The following VWA3A variants were observed in gnomAD, a reference collection of about 807,000 sequenced individuals.
VWA3A encodes von Willebrand factor A domain-containing protein 3A.
VWA3A carries 134 observed loss-of-function variants against 160.4 expected under a neutral mutation model. The observed-to-expected ratio is 0.84, with a 90% CI of 0.73 to 0.96. VWA3A has a LOEUF of 0.96. Ranked by LOEUF, VWA3A falls within the 40% of genes least tolerant of loss-of-function variation. VWA3A has a pLI of 0.00. For missense variants in VWA3A, 1,310 were observed against 1,447.9 expected (o/e 0.90, Z 1.55); for synonymous variants, 476 against 543.4 (o/e 0.88, Z 1.72).
chr16:22,127,208 CCT>C (rs2045865831), intron 17 of VWA3A, among the ~76,000 whole-genome samples: 1 of 151,898 alleles, frequency 6.6e-6, no homozygotes, highest in Admixed American at 6.6e-5. Flanking sequence ...TTCACTGCAG[CCT>C]CCTCCTCCCA....
At chr16:22,125,754 T>C (rs2045837058) in intron 16 of VWA3A, among the ~76,000 whole-genome samples, 2 of 152,304 alleles carry the variant, frequency 1.3e-5, no homozygotes, top group Admixed American at 1.3e-4. Flanking sequence ...AACCTTATGA[T>C]GAGTCTTACA....
rs1234760186 is a variant in VWA3A, at chr16:22,146,245, A to G, written c.2740A>G (p.Arg914Gly). The change falls in exon 27 of 34, where the codon AGA becomes GGA. Residue 914 changes from arginine (R) to glycine (G), a missense_variant. By Grantham distance (125) the Arg-to-Gly change is moderately radical. Transcript: ENST00000389398. The stretch of plus-strand genomic sequence containing the variant: ...GCTTGCCTTAACCCAGGGAGTGGTG[A>G]GACACATCCAGTGGACGCCCAGGGA... ...FPSVEIHGVV[R>G]HIQWTPREME... is the part of the protein sequence containing the mutation. 6.2e-7 allele frequency: 1 copy of G among 1,613,220 alleles called. No homozygotes were observed. The highest frequency in any genetic ancestry group is 8.5e-7 in the Non-Finnish European group (1 of 1,179,550).
chr16:22,115,007 A>G (rs919095147), intron 8 of VWA3A, among the ~76,000 whole-genome samples: 4 of 151,706 alleles, frequency 2.6e-5, no homozygotes, highest in Non-Finnish European at 5.9e-5. Flanking sequence ...GGGGTTCACC[A>G]TTTTGGCCAG....
chr16:22,121,482 G>A, intron 13 of VWA3A, 32 bp from the exon 14 acceptor site: 1 of 1,534,208 alleles, frequency 6.5e-7, no homozygotes, highest in East Asian at 2.2e-5. Flanking sequence ...AGCTTCTCAG[G>A]CAGTGCCTCC....
chr16:22,127,930 A>G (rs1464682433), intron 17 of VWA3A, among the ~76,000 whole-genome samples: 1 of 152,200 alleles, frequency 6.6e-6, no homozygotes, highest in African/African-American at 2.4e-5. Context: ...GGCTCAGGAC[A>G]TCTTCATGGA....
chr16:22,141,630 C>G lies in VWA3A; in HGVS notation c.2432C>G (p.Thr811Ser). Residue 811 changes from threonine to serine, a missense_variant, in exon 24 of 34, where the codon ACC becomes AGC. Coordinates refer to ENST00000389398, the MANE Select transcript of VWA3A (RefSeq NM_173615.5). ...GGGATGATGGAACTGAGGAGGAAGACCAAGTCAAGGGAAGCAGAGACATCT... is the reference window on the plus strand; with the variant it reads ...GGGATGATGGAACTGAGGAGGAAGAGCAAGTCAAGGGAAGCAGAGACATCT... ...KEGMMELRRKTKSREAETSLL... is the reference protein window; with the variant it reads ...KEGMMELRRKSKSREAETSLL... 6.2e-7 allele frequency: 1 copy of G among 1,612,706 alleles called. No homozygotes were observed. Among genetic ancestry groups the G allele is most frequent in the Non-Finnish European group, 8.5e-7 (1 of 1,179,468 alleles).
chr16:22,096,879 T>C lies in VWA3A; in HGVS notation c.35T>C (p.Phe12Ser). The C allele has an allele frequency of 6.5e-7, 1 of 1,549,728 alleles. No individual in the cohort carries two copies. The highest frequency in any genetic ancestry group is 8.7e-7 in the Non-Finnish European group (1 of 1,145,312). Residue 12 changes from phenylalanine (F) to serine (S), a missense_variant, in exon 2 of 34, where the codon TTT becomes TCT. Coordinates refer to ENST00000389398, the MANE Select transcript of VWA3A (RefSeq NM_173615.5). The part of the protein sequence containing the change: ...KKYRKISIGC[F>S]AMATQTSHVF... Reference sequence around the variant, plus strand: ...TTTAGGAAAATAAGCATTGGGTGTTTTGCAATGGCTACACAAACTAGTCAT... The same window carrying C: ...TTTAGGAAAATAAGCATTGGGTGTTCTGCAATGGCTACACAAACTAGTCAT...
In VWA3A at chr16:22,113,363, C is replaced by CTTTTTTTTTTTTTTTTTTTTTTTTTTTT. The variant is rs569069206; in HGVS notation, c.690-1978_690-1951dup. ...TGCTCCACAATGCCTGGCTAATTTT[C>CTTTTTTTTTTTTTTTTTTTTTTTTTTTT]TTTTTTTTTTTTTTTTTTTTTTTTT... On this transcript the variant is annotated intron_variant, in intron 8 of 33. Coordinates refer to ENST00000389398, the MANE Select transcript of VWA3A (RefSeq NM_173615.5). Among the ~76,000 whole-genome samples, 7 of 46,260 alleles carry CTTTTTTTTTTTTTTTTTTTTTTTTTTTT rather than the reference C, an allele frequency of 1.5e-4. 2 individuals are homozygous for CTTTTTTTTTTTTTTTTTTTTTTTTTTTT. The highest frequency in any genetic ancestry group is 2.5e-3 in the East Asian group (2 of 794). 30.3% of individuals were successfully genotyped at this position (46,260 alleles called of 152,430 possible).
At position 22,110,907 on chromosome 16, in the gene VWA3A, T is replaced by C; in HGVS notation, c.602T>C (p.Leu201Pro). Residue 201 changes from leucine (L) to proline (P), a missense_variant, in exon 8 of 34, where the codon CTG becomes CCG. By Grantham distance (98) the Leu-to-Pro change is moderately conservative. Transcript: ENST00000389398. The part of the protein sequence containing the change: ...KDLMSLIDEQ[L>P]SHKEKLFVLS... ...CAACAGAGCCTCATCGATGAGCAGC[T>C]GAGCCACAAGGAGAAGCTGTTTGTC... 1.9e-6 allele frequency: 3 copies of C among 1,608,748 alleles called. No homozygotes were observed. Among genetic ancestry groups the C allele is most frequent in the Non-Finnish European group, 2.5e-6 (3 of 1,177,716 alleles).
chr16:22,138,083 C>T (rs779885316), intron 21 of VWA3A, among the ~76,000 whole-genome samples: 17 of 152,200 alleles, frequency 1.1e-4, no homozygotes, highest in Admixed American at 3.3e-4. Context: ...CCTACCCTAT[C>T]GGCATAGCTG....
At position 22,118,941 on chromosome 16, in the gene VWA3A, A is replaced by G; in HGVS notation, c.1030A>G (p.Ile344Val). The G allele has an allele frequency of 6.2e-7, 1 of 1,613,964 alleles. No homozygotes were observed. The highest frequency in any genetic ancestry group is 8.5e-7 in the Non-Finnish European group (1 of 1,179,878). ...GGACATGGATGAGCTCCTGGCAGAA[A>G]TTCAGAAGGCCCAGAGCCTCCTCAG... Reference protein sequence around the residue: ...SRDMDELLAEIQKAQSLLSHV... With the variant: ...SRDMDELLAEVQKAQSLLSHV... The change falls in exon 12 of 34, where the codon ATT (isoleucine) becomes GTT (valine). Residue 344 changes from isoleucine (I) to valine (V), a missense_variant. Transcript: ENST00000389398.
chr16:22,154,323 CTTTTTTTTTTTTT>C (rs988862954), intron 31 of VWA3A, among the ~76,000 whole-genome samples: 2 of 73,904 alleles, frequency 2.7e-5, no homozygotes, highest in Non-Finnish European at 4.6e-5. Context: ...TTTTCTTTTT[CTTTTTTTTTTTTT>C]TTTTTTTTTT....
intron 1 of VWA3A, among the ~76,000 whole-genome samples, chr16:22,094,655 T>C (rs2045288406): frequency 6.6e-6 from 1 of 151,892 alleles, no homozygotes; most frequent in African/African-American, 2.4e-5. Flanking sequence ...GCCTGGGATA[T>C]ATAATTAGAA....
At chr16:22,130,845 C>G (rs2045933919) in intron 17 of VWA3A, among the ~76,000 whole-genome samples, 1 of 149,888 alleles carries the variant, frequency 6.7e-6, no homozygotes, top group Non-Finnish European at 1.5e-5. Context: ...TTTGCCAAAT[C>G]CTGTTGATTA....
At chr16:22,136,704 T>A (rs755174101) in intron 21 of VWA3A, among the ~76,000 whole-genome samples, 2 of 152,052 alleles carry the variant, frequency 1.3e-5, no homozygotes, top group Non-Finnish European at 2.9e-5. Context: ...GCCTGTGCTG[T>A]CTTCCCCAAA....
At chr16:22,119,581 G>A (rs1356887342) in intron 12 of VWA3A, among the ~76,000 whole-genome samples, 1 of 152,238 alleles carries the variant, frequency 6.6e-6, no homozygotes, top group South Asian at 2.1e-4. Flanking sequence ...TGAGGTGGGA[G>A]GATGATTGAA....
intron 1 of VWA3A, among the ~76,000 whole-genome samples, chr16:22,096,445 G>GCTGT (rs2045322838): frequency 6.6e-6 from 1 of 152,084 alleles, no homozygotes; most frequent in Admixed American, 6.6e-5. Flanking sequence ...TGGTGACAGA[G>GCTGT]CAAGACCTTG....
chr16:22,093,775 G>A (rs1026703116), intron 1 of VWA3A, among the ~76,000 whole-genome samples: 6 of 151,690 alleles, frequency 4.0e-5, no homozygotes, highest in African/African-American at 1.2e-4. Flanking sequence ...TTGTTTGTTC[G>A]TTTGTTTGAG....
intron 11 of VWA3A, among the ~76,000 whole-genome samples, chr16:22,117,409 T>C (rs1268794359): frequency 6.6e-6 from 1 of 152,222 alleles, no homozygotes. Context: ...GTATGATGCA[T>C]TGATTGAATG....
Sources: allele counts gnomAD v4.1 joint callset (sites outside exome capture counted in the v4.1 genomes callset), GRCh38; gene constraint gnomAD v4.1.1; transcripts MANE v1.5; gene names NCBI Gene and HGNC (gene_info 2026-07-23, HGNC 2026-07-21).